SLC8A1: variants seen among roughly 807,000 people sequenced by gnomAD.
The protein encoded by SLC8A1 is sodium/calcium exchanger 1.
A neutral mutation model predicts 68.3 loss-of-function variants in SLC8A1; 18 were observed. The observed-to-expected ratio is 0.26, with a 90% confidence interval of 0.18 to 0.39. SLC8A1 has a LOEUF of 0.39. SLC8A1 is among the 10% of genes least tolerant of loss of function. The pLI is 1.00. For missense variants in SLC8A1, 985 were observed against 1,156.7 expected, an observed-to-expected ratio of 0.85 and a Z score of 2.15; for synonymous variants, 475 against 415.5, an observed-to-expected ratio of 1.14 and a Z score of -1.74.
At chr2:40,455,571 C>G (rs1321462812), upstream of SLC8A1, among the ~76,000 whole-genome samples, 4 of 151,954 alleles carry the variant, frequency 2.6e-5, no homozygotes, top group Non-Finnish European at 5.9e-5. Flanking sequence ...TAGCCCCTAG[C>G]CTGGCCAGTG....
intron 2 of SLC8A1, among the ~76,000 whole-genome samples, chr2:40,418,543 G>A (rs1694561080): frequency 6.6e-6 from 1 of 152,182 alleles, no homozygotes; most frequent in South Asian, 2.1e-4. Flanking sequence ...CAGCTCATCA[G>A]ATTCCTGGCT....
chr2:40,152,619 T>C (rs1211543646), intron 6 of SLC8A1, among the ~76,000 whole-genome samples: 2 of 151,590 alleles, frequency 1.3e-5, no homozygotes, highest in Admixed American at 1.3e-4. Context: ...TTTCGCCGTG[T>C]AGACCAGGCT....
intron 2 of SLC8A1, among the ~76,000 whole-genome samples, chr2:40,397,589 T>C (rs1292419360): frequency 3.3e-5 from 5 of 152,202 alleles, no homozygotes; most frequent in African/African-American, 7.2e-5. Context: ...TTGCCGAGCC[T>C]GACCGTTCCA....
At chr2:40,280,951 C>G (rs903306700) in intron 2 of SLC8A1, among the ~76,000 whole-genome samples, 2 of 152,186 alleles carry the variant, frequency 1.3e-5, no homozygotes, top group African/African-American at 4.8e-5. Flanking sequence ...CTTCTGTTAG[C>G]ATGAATAGAA....
chr2:40,109,756 A>G (rs2034448092), exon 8 of SLC8A1: 1 of 152,170 alleles, frequency 6.6e-6, no homozygotes, highest in African/African-American at 2.4e-5. Context: ...CCATGGGGAA[A>G]ACTCTCCAAC....
intron 6 of SLC8A1, among the ~76,000 whole-genome samples, chr2:40,146,474 G>C (rs1259921696): frequency 6.6e-6 from 1 of 152,108 alleles, no homozygotes; most frequent in Admixed American, 6.5e-5. Flanking sequence ...CCAGTGACTG[G>C]TTTTCTGGAA....
chr2:40,442,965 G>A (rs752248843), intron 1 of SLC8A1, among the ~76,000 whole-genome samples: 15 of 152,156 alleles, frequency 9.9e-5, no homozygotes, highest in Non-Finnish European at 1.3e-4. Context: ...GGACATGGAC[G>A]AAGCTGGAAG....
chr2:40,403,083 C>A (rs186682541), intron 2 of SLC8A1, among the ~76,000 whole-genome samples: 1 of 152,082 alleles, frequency 6.6e-6, no homozygotes, highest in South Asian at 2.1e-4. Flanking sequence ...ATACACATAA[C>A]GAACACCACA....
chr2:40,290,298 T>C (rs2069073683), intron 2 of SLC8A1, among the ~76,000 whole-genome samples: 1 of 152,178 alleles, frequency 6.6e-6, no homozygotes. Flanking sequence ...GTTTTTATCT[T>C]GGTTTAGTAG....
At chr2:40,253,966 G>C (rs2063444269) in intron 2 of SLC8A1, among the ~76,000 whole-genome samples, 1 of 144,332 alleles carries the variant, frequency 6.9e-6, no homozygotes, top group African/African-American at 2.6e-5. Flanking sequence ...GCACAACAGG[G>C]TGACTACAGT....
At chr2:40,353,229 A>G (rs1404695781) in intron 2 of SLC8A1, among the ~76,000 whole-genome samples, 1 of 152,142 alleles carries the variant, frequency 6.6e-6, no homozygotes, top group Non-Finnish European at 1.5e-5. Context: ...TTGTTCCTCA[A>G]ATATGTGCTT....
intron 1 of SLC8A1, among the ~76,000 whole-genome samples, chr2:40,498,007 G>A (rs1462299256): frequency 1.3e-5 from 2 of 152,006 alleles, no homozygotes; most frequent in Non-Finnish European, 2.9e-5. Context: ...AGACATTCAG[G>A]AGGTATGAAC....
chr2:40,245,168 G>A (rs769079055), intron 2 of SLC8A1, among the ~76,000 whole-genome samples: 1 of 122,162 alleles, frequency 8.2e-6, no homozygotes, highest in Non-Finnish European at 1.7e-5. Context: ...CCACTCCAGT[G>A]GACTCAGTCT....
intron 6 of SLC8A1, among the ~76,000 whole-genome samples, chr2:40,144,421 G>A (rs886885509): frequency 6.6e-6 from 1 of 152,192 alleles, no homozygotes; most frequent in Admixed American, 6.6e-5. Flanking sequence ...TTAAGTGACT[G>A]AGTTGGGATT....
At chr2:40,178,205 G>A (rs537248858) in intron 2 of SLC8A1, among the ~76,000 whole-genome samples, 182 bp downstream of exon 3, 2 of 152,288 alleles carry the variant, frequency 1.3e-5, no homozygotes, top group African/African-American at 4.8e-5. Context: ...AATGTGCAGC[G>A]CACCTAACGC....
At chr2:40,367,124 G>GC (rs1019989479) in intron 2 of SLC8A1, among the ~76,000 whole-genome samples, 4 of 151,928 alleles carry the variant, frequency 2.6e-5, no homozygotes, top group Non-Finnish European at 4.4e-5. Flanking sequence ...AGAGAGGCCA[G>GC]CCCCCAACCT....
intron 5 of SLC8A1, among the ~76,000 whole-genome samples, chr2:40,161,559 C>T (rs2045692663): frequency 6.6e-6 from 1 of 152,168 alleles, no homozygotes; most frequent in African/African-American, 2.4e-5. Context: ...GCTGCATACC[C>T]CTTATTTTTC....
intron 1 of SLC8A1, among the ~76,000 whole-genome samples, chr2:40,478,928 C>T (rs552594377): frequency 1.9e-3 from 285 of 152,176 alleles, no homozygotes; most frequent in Non-Finnish European, 3.7e-3. Context: ...CCCGCCACCA[C>T]GCCCAGCTAA....
intron 1 of SLC8A1, among the ~76,000 whole-genome samples, chr2:40,439,616 G>A (rs1700107732): frequency 1.3e-5 from 2 of 152,016 alleles, no homozygotes; most frequent in Admixed American, 1.3e-4. Flanking sequence ...CAAGGTAAAT[G>A]CTGGTTGTGT....
Sources: allele counts gnomAD v4.1 joint callset (sites outside exome capture counted in the v4.1 genomes callset), GRCh38; gene constraint gnomAD v4.1.1; transcripts MANE v1.5; gene names NCBI Gene and HGNC (gene_info 2026-07-23, HGNC 2026-07-21).